Variants in CDH12 observed in about 807,000 individuals in gnomAD.
The protein encoded by CDH12 is cadherin-12.
CDH12 carries 41 observed loss-of-function variants against 74.1 expected under a neutral mutation model. That is an observed-to-expected ratio of 0.55 (90% CI 0.43 to 0.72). The LOEUF (loss-of-function observed/expected upper bound fraction) is 0.72, where lower values mean the gene tolerates loss of function less well. Among genes scored for constraint, CDH12 ranks in the 30% least tolerant of loss-of-function variants. CDH12 has a pLI of 0.00. For missense variants in CDH12, 945 were observed against 977.2 expected, an observed-to-expected ratio of 0.97 and a Z score of 0.44; for synonymous variants, 399 against 355.0, an observed-to-expected ratio of 1.12 and a Z score of -1.39.
At chr5:22,550,727 T>C (rs1252519514) in intron 1 of CDH12, among the ~76,000 whole-genome samples, 1 of 152,218 alleles carries the variant, frequency 6.6e-6, no homozygotes, top group African/African-American at 2.4e-5. Flanking sequence ...CATTTAACTT[T>C]ATCCAGTTAT....
chr5:22,704,128 T>A (rs1303068737), intron 1 of CDH12, among the ~76,000 whole-genome samples: 1 of 152,164 alleles, frequency 6.6e-6, no homozygotes, highest in Non-Finnish European at 1.5e-5. Flanking sequence ...TCAGAAATAT[T>A]TTTCACAGAC....
At chr5:22,430,461 T>C (rs552781763) in intron 2 of CDH12, among the ~76,000 whole-genome samples, 31 of 152,234 alleles carry the variant, frequency 2.0e-4, no homozygotes, top group East Asian at 9.7e-4. Flanking sequence ...AGAATTGAAA[T>C]AGAAAATAGG....
At chr5:22,609,994 T>C (rs1337716591) in intron 1 of CDH12, among the ~76,000 whole-genome samples, 2 of 152,260 alleles carry the variant, frequency 1.3e-5, no homozygotes, top group Non-Finnish European at 2.9e-5. Flanking sequence ...AGACATTGAT[T>C]GCTGCTTACT....
intron 3 of CDH12, among the ~76,000 whole-genome samples, chr5:22,265,323 T>C (rs1753666253): frequency 6.6e-6 from 1 of 152,208 alleles, no homozygotes; most frequent in South Asian, 2.1e-4. Flanking sequence ...CACTTTCCCT[T>C]GTCAATTAGT....
chr5:22,316,367 T>A (rs1009262000), intron 3 of CDH12, among the ~76,000 whole-genome samples: 2 of 151,874 alleles, frequency 1.3e-5, no homozygotes, highest in Non-Finnish European at 2.9e-5. Flanking sequence ...ATGTTAAAAA[T>A]AAAAAGTTTG....
chr5:22,484,683 C>A (rs2662489), intron 2 of CDH12, among the ~76,000 whole-genome samples: 24,062 of 152,146 alleles, frequency 0.16, 1,956 homozygotes, highest in Middle Eastern at 0.2. Context: ...GTATAAAGAA[C>A]AACAACAATA....
intron 4 of CDH12, among the ~76,000 whole-genome samples, chr5:22,083,216 A>T (rs1007332407): frequency 2.6e-5 from 4 of 152,196 alleles, no homozygotes; most frequent in African/African-American, 7.2e-5. Flanking sequence ...AAAATCCAGA[A>T]CTTTAATATG....
At chr5:22,432,271 T>C (rs1248898588) in intron 2 of CDH12, among the ~76,000 whole-genome samples, 1 of 152,142 alleles carries the variant, frequency 6.6e-6, no homozygotes, top group East Asian at 1.9e-4. Flanking sequence ...AGCAATAGGC[T>C]ATACCATATA....
intron 3 of CDH12, among the ~76,000 whole-genome samples, chr5:22,224,793 A>T (rs1752138341): frequency 6.6e-6 from 1 of 151,894 alleles, no homozygotes; most frequent in South Asian, 2.1e-4. Context: ...TTTTGTGTAT[A>T]AAAAACTTAC....
At chr5:22,526,387 T>C (rs953139221) in intron 1 of CDH12, among the ~76,000 whole-genome samples, 3 of 152,170 alleles carry the variant, frequency 2.0e-5, no homozygotes, top group African/African-American at 7.2e-5. Flanking sequence ...AATTATGACA[T>C]AGACCCGGAG....
intron 1 of CDH12, among the ~76,000 whole-genome samples, chr5:22,836,223 C>CTTTTTTTT (rs61616737): frequency 0.24 from 15,144 of 63,780 alleles, 3,947 homozygotes; most frequent in East Asian, 0.42. Context: ...CTTTCTTTCT[C>CTTTTTTTT]TTTTTTTTTT....
chr5:21,857,212 T>G (rs550169857), intron 6 of CDH12, among the ~76,000 whole-genome samples: 1 of 152,028 alleles, frequency 6.6e-6, no homozygotes, highest in African/African-American at 2.4e-5. Context: ...AGGTTGTGGT[T>G]GGGGCATGTT....
Position 22,793,973 on chromosome 5 carries a change from A to G in CDH12, c.-523+59085T>C, listed in dbSNP as rs1056217608. On this transcript the variant is annotated intron_variant, in intron 1 of 14. Transcript: ENST00000382254. ...ATCACAAGTTTTCTAGCTAATCTTCATACCTCCTATGTTGCATCATATAAA... is the reference window on the plus strand; with the variant it reads ...ATCACAAGTTTTCTAGCTAATCTTCGTACCTCCTATGTTGCATCATATAAA... 3.3e-5 allele frequency among the ~76,000 whole-genome samples: 5 copies of G among 152,242 alleles called. No individual in the cohort carries two copies. In the South Asian group the frequency reaches 6.2e-4, roughly 19 times the overall value.
At chr5:22,194,165 T>C (rs71609286) in intron 4 of CDH12, among the ~76,000 whole-genome samples, 55,884 of 151,892 alleles carry the variant, frequency 0.37, 11,817 homozygotes, top group East Asian at 0.73. Context: ...AGCTGGCCCC[T>C]AGCCAATGGT....
chr5:22,531,794 T>C (rs750998318), intron 1 of CDH12, among the ~76,000 whole-genome samples: 3 of 151,912 alleles, frequency 2.0e-5, no homozygotes, highest in Non-Finnish European at 2.9e-5. Context: ...GGTGTAAAAA[T>C]AGAAAGATTG....
intron 3 of CDH12, among the ~76,000 whole-genome samples, chr5:22,250,398 C>T (rs184091788): frequency 2.0e-5 from 3 of 152,162 alleles, no homozygotes; most frequent in South Asian, 2.1e-4. Flanking sequence ...TTCTGGCTGG[C>T]GGCTGGGACC....
chr5:22,478,592 T>C (rs948075198), intron 2 of CDH12, among the ~76,000 whole-genome samples: 2 of 151,964 alleles, frequency 1.3e-5, no homozygotes, highest in Non-Finnish European at 2.9e-5. Context: ...ACAAAGATAC[T>C]AATAAATAAT....
rs188017432 is a variant in CDH12 at position 21,908,944 on chromosome 5, C to T, written c.527-54154G>A. Among the ~76,000 whole-genome samples, 646 of 152,212 alleles carry T rather than the reference C, an allele frequency of 4.2e-3. 6 individuals carry two copies. The highest frequency in any genetic ancestry group is 0.015 in the African/African-American group (610 of 41,558). On this transcript the variant is annotated intron_variant, in intron 6 of 14. Transcript: ENST00000382254. ...AAAAAAAAATTATTTATTTGGATTT[C>T]CCCAGGATTTCTCTCTGATTTAATG...
chr5:21,789,214 T>C (rs927670348), intron 10 of CDH12, among the ~76,000 whole-genome samples: 1 of 152,268 alleles, frequency 6.6e-6, no homozygotes, highest in Middle Eastern at 3.4e-3. Flanking sequence ...TAAAACATTG[T>C]AACAATTTTT....
Sources: allele counts gnomAD v4.1 joint callset (sites outside exome capture counted in the v4.1 genomes callset), GRCh38; gene constraint gnomAD v4.1.1; transcripts MANE v1.5; gene names NCBI Gene and HGNC (gene_info 2026-07-23, HGNC 2026-07-21).